The following NCAM2 variants were observed in gnomAD, a reference collection of about 807,000 sequenced individuals.
NCAM2 encodes the protein neural cell adhesion molecule 2.
In NCAM2, 30 loss-of-function variants were observed where a neutral mutation model predicts 98.1. That is an observed-to-expected ratio of 0.31 (90% CI 0.23 to 0.41). NCAM2 has a LOEUF of 0.41. NCAM2 is among the 10% of genes least tolerant of loss of function. The pLI is 1.00. For missense variants in NCAM2, 867 were observed against 1,005.8 expected (o/e 0.86, Z 1.87); for synonymous variants, 368 against 342.4 (o/e 1.07, Z -0.83).
At chr21:21,287,469 T>C (rs544959439) in intron 4 of NCAM2, among the ~76,000 whole-genome samples, 1 of 152,126 alleles carries the variant, frequency 6.6e-6, no homozygotes, top group East Asian at 1.9e-4. Flanking sequence ...AGCATAACTC[T>C]GTACAGTGTA....
chr21:21,092,573 A>C (rs1280087364), intron 1 of NCAM2, among the ~76,000 whole-genome samples: 1 of 152,040 alleles, frequency 6.6e-6, no homozygotes, highest in Non-Finnish European at 1.5e-5. Flanking sequence ...CAAGTGAGTT[A>C]CATTTTTCTG....
At chr21:21,163,467 G>T (rs750939787) in intron 1 of NCAM2, among the ~76,000 whole-genome samples, 1 of 151,886 alleles carries the variant, frequency 6.6e-6, no homozygotes, top group East Asian at 1.9e-4. Flanking sequence ...AAACATTTTC[G>T]TTTGCTTTAT....
At chr21:21,028,172 A>G (rs1485325727) in intron 1 of NCAM2, among the ~76,000 whole-genome samples, 1 of 152,086 alleles carries the variant, frequency 6.6e-6, no homozygotes, top group Non-Finnish European at 1.5e-5. Flanking sequence ...CTTGTTTCTT[A>G]AGTTTTAAGA....
At chr21:21,237,534 C>T (rs1051433132) in intron 1 of NCAM2, among the ~76,000 whole-genome samples, 3 of 151,782 alleles carry the variant, frequency 2.0e-5, no homozygotes, top group Non-Finnish European at 4.4e-5. Context: ...TTTAGCTTAC[C>T]TTTCAGCCTC....
intron 12 of NCAM2, among the ~76,000 whole-genome samples, chr21:21,449,459 A>G (rs1034706631): frequency 6.6e-6 from 1 of 151,950 alleles, no homozygotes; most frequent in African/African-American, 2.4e-5. Context: ...GATGTTTGCT[A>G]GAATGTAGCT....
At chr21:21,205,446 CTGTTTCGTTGTGT>C (rs2069403998) in intron 1 of NCAM2, among the ~76,000 whole-genome samples, 1 of 152,008 alleles carries the variant, frequency 6.6e-6, no homozygotes, top group East Asian at 1.9e-4. Context: ...TGTTTAAGAC[CTGTTTCGTTGTGT>C]ACATTATGTG....
At chr21:21,040,373 A>G (rs2064880146) in intron 1 of NCAM2, among the ~76,000 whole-genome samples, 1 of 152,114 alleles carries the variant, frequency 6.6e-6, no homozygotes. Flanking sequence ...CCATGACTTT[A>G]TGTGTGTGCG....
intron 12 of NCAM2, among the ~76,000 whole-genome samples, chr21:21,432,891 G>A (rs1025922104): frequency 6.6e-5 from 10 of 152,144 alleles, no homozygotes; most frequent in South Asian, 2.1e-4. Context: ...AATTACCAGC[G>A]TTGGCCTCTG....
rs1568910974 is a variant in NCAM2 at position 20,998,568 on chromosome 21, G to T, written c.5G>T (p.Ser2Ile). M[S>I]LLLSFYLLGL... ...CACCGGTGTCACGTCCTGAACATGA[G>T]CCTCCTCCTCTCCTTCTACCTGCTG... Residue 2 changes from serine (S) to isoleucine (I), a missense_variant, in exon 1 of 18, where the codon AGC (serine) becomes ATC (isoleucine). Coordinates refer to ENST00000400546, the MANE Select transcript of NCAM2 (RefSeq NM_004540.5). 3 of 1,614,018 alleles carry T rather than the reference G, an allele frequency of 1.9e-6. No individual in the cohort carries two copies. Among genetic ancestry groups the T allele is most frequent in the Admixed American group, 1.7e-5 (1 of 60,012 alleles).
chr21:21,118,589 C>T (rs2066610698), intron 1 of NCAM2, among the ~76,000 whole-genome samples: 1 of 152,118 alleles, frequency 6.6e-6, no homozygotes, highest in Non-Finnish European at 1.5e-5. Context: ...ATTACCGTAA[C>T]TCTTAAACAA....
chr21:21,307,581 G>A (rs913141267), intron 5 of NCAM2, among the ~76,000 whole-genome samples: 1 of 152,034 alleles, frequency 6.6e-6, no homozygotes, highest in East Asian at 1.9e-4. Flanking sequence ...AGGCTCTGAG[G>A]CAGAATCCTT....
At chr21:21,218,965 C>T (rs1269235634) in intron 1 of NCAM2, among the ~76,000 whole-genome samples, 1 of 152,186 alleles carries the variant, frequency 6.6e-6, no homozygotes, top group Non-Finnish European at 1.5e-5. Flanking sequence ...ATCACTTCAA[C>T]TCGGGAGGCA....
intron 5 of NCAM2, among the ~76,000 whole-genome samples, chr21:21,301,370 CTTT>C (rs67139641): frequency 0.32 from 46,648 of 146,272 alleles, 8,043 homozygotes; most frequent in African/African-American, 0.46. Context: ...AGTTTGGGGT[CTTT>C]TTTTTTTTCT....
At chr21:21,025,960 A>G (rs574327425) in intron 1 of NCAM2, among the ~76,000 whole-genome samples, 2 of 152,354 alleles carry the variant, frequency 1.3e-5, no homozygotes, top group African/African-American at 2.4e-5. Flanking sequence ...GGGAGGGTCA[A>G]TATTTTTAAT....
chr21:21,210,615 A>G (rs538053757), intron 1 of NCAM2: 2 of 1,288,542 alleles, frequency 1.6e-6, no homozygotes, highest in East Asian at 5.6e-5. Flanking sequence ...ACAACAGGCA[A>G]GGTCTCTTTG....
At chr21:21,487,963 A>C (rs556979407) in intron 15 of NCAM2, among the ~76,000 whole-genome samples, 3 of 152,270 alleles carry the variant, frequency 2.0e-5, no homozygotes, top group Non-Finnish European at 4.4e-5. Flanking sequence ...TAAACTCTAT[A>C]TTCATATTAT....
chr21:21,418,436 T>G, intron 10 of NCAM2, 37 bp from the exon 11 acceptor site: 5 of 1,484,410 alleles, frequency 3.4e-6, no homozygotes, highest in Non-Finnish European at 4.7e-6. Context: ...TCTGTGATGT[T>G]TTAGAATTGT....
At chr21:21,368,244 G>T (rs1183891568) in intron 8 of NCAM2, among the ~76,000 whole-genome samples, 1 of 151,754 alleles carries the variant, frequency 6.6e-6, no homozygotes, top group Non-Finnish European at 1.5e-5. Context: ...TATACCTAAA[G>T]GGTCTGTGAC....
At chr21:21,180,857 A>G (rs2068446193) in intron 1 of NCAM2, among the ~76,000 whole-genome samples, 1 of 152,184 alleles carries the variant, frequency 6.6e-6, no homozygotes, top group Non-Finnish European at 1.5e-5. Context: ...AACTGTACCA[A>G]TGCTGTGAGA....
Sources: allele counts gnomAD v4.1 joint callset (sites outside exome capture counted in the v4.1 genomes callset), GRCh38; gene constraint gnomAD v4.1.1; transcripts MANE v1.5; gene names NCBI Gene and HGNC (gene_info 2026-07-23, HGNC 2026-07-21).